Variants in RIT2 observed in about 807,000 individuals in gnomAD.
The protein encoded by RIT2 is Ras like without CAAX 2, also known as GTP-binding protein Rit2.
RIT2 carries 24 observed loss-of-function variants against 23.7 expected under a neutral mutation model. The observed-to-expected ratio is 1.01, with a 90% CI of 0.73 to 1.43. The LOEUF (loss-of-function observed/expected upper bound fraction) is 1.43. RIT2 is among the 40% of genes most tolerant of loss of function. The pLI, the probability that RIT2 is intolerant of heterozygous loss-of-function variation, is 0.00. For missense variants in RIT2, 236 were observed against 266.9 expected, an observed-to-expected ratio of 0.88 and a Z score of 0.81; for synonymous variants, 107 against 91.1, an observed-to-expected ratio of 1.17 and a Z score of -0.99.
At chr18:43,003,871 G>C (rs1029919681) in intron 2 of RIT2, among the ~76,000 whole-genome samples, 3 of 150,846 alleles carry the variant, frequency 2.0e-5, no homozygotes, top group African/African-American at 7.3e-5. Context: ...GTCTAGAATA[G>C]CATGTCTTGC....
At chr18:42,907,312 T>A (rs1156308196) in intron 4 of RIT2, among the ~76,000 whole-genome samples, 3 of 152,136 alleles carry the variant, frequency 2.0e-5, no homozygotes, top group African/African-American at 7.2e-5. Context: ...AATATGGCGA[T>A]TGTTTAAAAG....
intron 4 of RIT2, among the ~76,000 whole-genome samples, chr18:42,920,189 C>G (rs146311494): frequency 6.6e-6 from 1 of 152,184 alleles, no homozygotes; most frequent in East Asian, 1.9e-4. Context: ...TGCTACTGCT[C>G]TAAGAAGCAT....
At chr18:42,975,259 C>T (rs569731473) in intron 2 of RIT2, among the ~76,000 whole-genome samples, 22 of 152,134 alleles carry the variant, frequency 1.4e-4, no homozygotes, top group Middle Eastern at 3.4e-3. Flanking sequence ...GTCGTTTCTG[C>T]GTCTATTGAG....
chr18:43,032,569 G>C (rs1467599489), intron 2 of RIT2, among the ~76,000 whole-genome samples: 1 of 152,044 alleles, frequency 6.6e-6, no homozygotes, highest in Non-Finnish European at 1.5e-5. Flanking sequence ...AATGGACTTA[G>C]AGAATTACCA....
At chr18:43,009,227 G>A (rs962487897) in intron 2 of RIT2, among the ~76,000 whole-genome samples, 3 of 151,504 alleles carry the variant, frequency 2.0e-5, no homozygotes, top group Admixed American at 6.6e-5. Flanking sequence ...AAATATACAC[G>A]TCAGTCACAA....
chr18:42,790,452 TA>T lies in RIT2; in HGVS notation c.427-46733del, dbSNP rs1914016705. 4.6e-5 allele frequency among the ~76,000 whole-genome samples: 7 copies of T among 152,358 alleles called. No homozygotes were observed. The South Asian group carries it at 1.5e-3, about 32-fold the overall frequency. Reference sequence around the variant, plus strand: ...ACCTTAATTTACTTTTATTTATTTTTATTTTTTTGAGACGGAGTCTCACTCT... The same window carrying T: ...ACCTTAATTTACTTTTATTTATTTTTTTTTTTTGAGACGGAGTCTCACTCT... On this transcript the variant is annotated intron_variant, in intron 4 of 4. Transcript: ENST00000326695.
chr18:43,022,700 A>C (rs1911624805), intron 2 of RIT2, among the ~76,000 whole-genome samples: 3 of 151,982 alleles, frequency 2.0e-5, no homozygotes. Flanking sequence ...AGGGCAGGAA[A>C]GTTGTTTTTT....
chr18:42,844,901 G>T (rs1460735911), intron 4 of RIT2, among the ~76,000 whole-genome samples: 2 of 152,016 alleles, frequency 1.3e-5, no homozygotes, highest in Non-Finnish European at 1.5e-5. Context: ...TACATAACAG[G>T]TATTCAAGAA....
intron 4 of RIT2, among the ~76,000 whole-genome samples, chr18:42,747,973 G>A (rs1180623850): frequency 6.6e-6 from 1 of 152,022 alleles, no homozygotes; most frequent in Admixed American, 6.6e-5. Flanking sequence ...CTAGACATTG[G>A]CTTAGGCAAA....
chr18:42,866,553 C>T (rs1255998654), intron 4 of RIT2, among the ~76,000 whole-genome samples: 5 of 151,830 alleles, frequency 3.3e-5, no homozygotes, highest in Admixed American at 2.0e-4. Flanking sequence ...GAATTATTTT[C>T]CATGTGCTAG....
At chr18:43,085,362 A>T (rs1913258680) in intron 1 of RIT2, among the ~76,000 whole-genome samples, 1 of 152,066 alleles carries the variant, frequency 6.6e-6, no homozygotes, top group Non-Finnish European at 1.5e-5. Context: ...AGAGTGTGAA[A>T]AAAATCTATT....
chr18:42,772,485 C>A (rs542967996), intron 4 of RIT2, among the ~76,000 whole-genome samples: 3 of 151,958 alleles, frequency 2.0e-5, no homozygotes, highest in Admixed American at 1.3e-4. Context: ...AACTTCTAGG[C>A]CTTCTTGAAG....
intron 4 of RIT2, among the ~76,000 whole-genome samples, chr18:42,847,598 C>T (rs944696851): frequency 3.9e-5 from 6 of 151,986 alleles, no homozygotes; most frequent in African/African-American, 1.4e-4. Flanking sequence ...GTCTCCAGTC[C>T]ATATAACCAT....
At chr18:42,796,415 G>A (rs1905362666) in intron 4 of RIT2, among the ~76,000 whole-genome samples, 2 of 152,302 alleles carry the variant, frequency 1.3e-5, no homozygotes, top group South Asian at 2.1e-4. Context: ...CACTCACCGC[G>A]AGGGTCCGCG....
At chr18:43,036,904 T>A (rs1318850824) in intron 1 of RIT2, among the ~76,000 whole-genome samples, 1 of 152,356 alleles carries the variant, frequency 6.6e-6, no homozygotes, top group Admixed American at 6.5e-5. Context: ...AAGCTCAACC[T>A]GTTATCACAC....
intron 4 of RIT2, among the ~76,000 whole-genome samples, chr18:42,869,424 G>C (rs572800521): frequency 6.6e-6 from 1 of 152,202 alleles, no homozygotes; most frequent in East Asian, 1.9e-4. Context: ...GGGTTTTGGG[G>C]ACCCCAGTTG....
chr18:43,062,747 A>G (rs1218878165), intron 1 of RIT2, among the ~76,000 whole-genome samples: 3 of 152,136 alleles, frequency 2.0e-5, no homozygotes, highest in African/African-American at 4.8e-5. Flanking sequence ...GGATAAAATG[A>G]CCACATGTTT....
At chr18:42,762,604 T>C (rs770657794) in intron 4 of RIT2, among the ~76,000 whole-genome samples, 1 of 152,198 alleles carries the variant, frequency 6.6e-6, no homozygotes, top group African/African-American at 2.4e-5. Context: ...TCTCATAATA[T>C]GTGACTATCA....
intron 4 of RIT2, among the ~76,000 whole-genome samples, chr18:42,796,126 TG>T (rs1171096093): frequency 6.6e-6 from 1 of 152,098 alleles, no homozygotes; most frequent in Non-Finnish European, 1.5e-5. Context: ...CAATAAATCT[TG>T]CTACTGCTCA....
Sources: gnomAD v4.1 joint callset for allele counts (sites outside exome capture counted in the v4.1 genomes callset) on GRCh38, gnomAD v4.1.1 for gene constraint, MANE v1.5 for transcripts, NCBI Gene and HGNC (gene_info 2026-07-23, HGNC 2026-07-21) for gene names.